The following WWOX variants were observed in gnomAD, a reference collection of about 807,000 sequenced individuals.
WWOX encodes the protein WW domain-containing oxidoreductase.
WWOX carries 69 observed loss-of-function variants against 46.2 expected under a neutral mutation model. The ratio of observed to expected loss-of-function variants is 1.49; its 90% CI spans 1.23 to 1.82. The LOEUF is 1.82. Among genes scored for constraint, WWOX ranks in the 40% most tolerant of loss-of-function variants. WWOX has a pLI of 0.00. For synonymous variants in WWOX, 359 were observed against 202.6 expected, an observed-to-expected ratio of 1.77 and a Z score of -6.56; for missense variants, 919 against 542.6, an observed-to-expected ratio of 1.69 and a Z score of -6.89.
intron 4 of WWOX, among the ~76,000 whole-genome samples, chr16:78,161,637 T>C (rs2034797177): frequency 6.6e-6 from 1 of 152,166 alleles, no homozygotes; most frequent in Non-Finnish European, 1.5e-5. Context: ...TTAATTTTTG[T>C]AGAGACAGAG....
chr16:78,381,495 T>C (rs936950421), intron 5 of WWOX, among the ~76,000 whole-genome samples: 101 of 152,334 alleles, frequency 6.6e-4, no homozygotes, highest in African/African-American at 2.3e-3. Flanking sequence ...CTGAGCTACA[T>C]AGAAGTTGCC....
intron 5 of WWOX, among the ~76,000 whole-genome samples, chr16:78,195,124 A>G (rs2036007261): frequency 6.6e-6 from 1 of 152,120 alleles, no homozygotes; most frequent in South Asian, 2.1e-4. Flanking sequence ...TTCCATCCCC[A>G]GTTCCTTGGT....
intron 8 of WWOX, among the ~76,000 whole-genome samples, chr16:78,842,375 C>T (rs4887989): frequency 0.3 from 45,893 of 150,934 alleles, 7,123 homozygotes; most frequent in African/African-American, 0.34. Context: ...TGGTGGTGCA[C>T]ACCTGTAGGC....
intron 8 of WWOX, among the ~76,000 whole-genome samples, chr16:79,104,058 T>TGGGGGG (rs2049259343): frequency 2.7e-4 from 6 of 22,416 alleles, no homozygotes; most frequent in Non-Finnish European, 5.8e-4. Flanking sequence ...GGGCGGGTGG[T>TGGGGGG]GGGGGTACTT....
intron 8 of WWOX, among the ~76,000 whole-genome samples, chr16:79,185,944 CTGTGTGTGTGTGTGTGTGCATGCG>C (rs1015385716): frequency 2.7e-4 from 40 of 149,130 alleles, no homozygotes; most frequent in Non-Finnish European, 3.9e-4. Context: ...GATGCCATGT[CTGTGTGTGTGTGTGTGTGCATGCG>C]TGTGTGTGTG....
intron 8 of WWOX, among the ~76,000 whole-genome samples, chr16:78,510,682 G>A (rs1272868933): frequency 6.6e-6 from 1 of 152,156 alleles, no homozygotes; most frequent in African/African-American, 2.4e-5. Flanking sequence ...AAAGAATGTT[G>A]TTTATTTTTA....
intron 8 of WWOX, among the ~76,000 whole-genome samples, chr16:78,911,159 G>C (rs1473422283): frequency 6.6e-6 from 1 of 151,916 alleles, no homozygotes; most frequent in African/African-American, 2.4e-5. Context: ...TGTCAGAGTG[G>C]AAGGTGGCCC....
intron 8 of WWOX, among the ~76,000 whole-genome samples, chr16:79,035,727 C>T (rs994573433): frequency 1.3e-5 from 2 of 151,686 alleles, no homozygotes; most frequent in Admixed American, 1.3e-4. Context: ...TTAGTAGGGA[C>T]GGGGTTTCGC....
intron 6 of WWOX, among the ~76,000 whole-genome samples, chr16:78,398,159 G>A (rs532615056): frequency 6.6e-6 from 1 of 152,136 alleles, no homozygotes; most frequent in Non-Finnish European, 1.5e-5. Context: ...TCACTCTCAA[G>A]TGCAAACCCA....
intron 8 of WWOX, among the ~76,000 whole-genome samples, chr16:79,156,522 G>A (rs541538237): frequency 1.1e-4 from 17 of 152,292 alleles, no homozygotes; most frequent in African/African-American, 3.9e-4. Flanking sequence ...GCCACACCAA[G>A]TAGAAGGTGT....
intron 8 of WWOX, among the ~76,000 whole-genome samples, chr16:78,474,449 G>C (rs565960043): frequency 1.3e-5 from 2 of 152,294 alleles, no homozygotes; most frequent in African/African-American, 4.8e-5. Context: ...TGTCAGATTG[G>C]TTTAGGTAGA....
intron 8 of WWOX, among the ~76,000 whole-genome samples, chr16:78,878,337 G>T (rs2044274624): frequency 6.6e-6 from 1 of 152,154 alleles, no homozygotes; most frequent in Middle Eastern, 3.2e-3. Context: ...TTGCAGGCAG[G>T]CCCCTGGGTT....
At chr16:78,887,240 A>G (rs560812947) in intron 8 of WWOX, among the ~76,000 whole-genome samples, 2 of 151,980 alleles carry the variant, frequency 1.3e-5, no homozygotes, top group African/African-American at 4.8e-5. Flanking sequence ...ATCCATTGTC[A>G]TGACTGTAAA....
intron 5 of WWOX, among the ~76,000 whole-genome samples, chr16:78,271,836 T>C (rs1403222881): frequency 6.6e-6 from 1 of 152,162 alleles, no homozygotes; most frequent in Non-Finnish European, 1.5e-5. Context: ...GTAGGACATT[T>C]TGGTAGCAGT....
At chr16:78,557,040 T>C (rs1411093424) in intron 8 of WWOX, among the ~76,000 whole-genome samples, 2 of 151,930 alleles carry the variant, frequency 1.3e-5, no homozygotes, top group African/African-American at 2.4e-5. Flanking sequence ...TTAAAACACA[T>C]TGCAATAAAA....
chr16:79,162,286 G>A (rs761919686), intron 8 of WWOX, among the ~76,000 whole-genome samples: 16 of 152,182 alleles, frequency 1.1e-4, no homozygotes, highest in Admixed American at 8.5e-4. Context: ...AGATTCTGGG[G>A]CTCTAAGGCG....
chr16:78,539,934 A>G (rs76281671), intron 8 of WWOX, among the ~76,000 whole-genome samples: 7,522 of 152,012 alleles, frequency 0.049, 662 homozygotes, highest in African/African-American at 0.17. Flanking sequence ...TTACATTTAA[A>G]TACAGGCCTT....
intron 8 of WWOX, among the ~76,000 whole-genome samples, chr16:78,582,237 G>A (rs568860220): frequency 6.6e-6 from 1 of 152,250 alleles, no homozygotes; most frequent in African/African-American, 2.4e-5. Context: ...AAGTGTGTCA[G>A]GTGAAGGTAA....
chr16:78,803,188 C>G (rs932001242), intron 8 of WWOX, among the ~76,000 whole-genome samples: 1 of 151,442 alleles, frequency 6.6e-6, no homozygotes, highest in Non-Finnish European at 1.5e-5. Flanking sequence ...GTTCTTAACA[C>G]AAACCACATA....
Sources: gnomAD v4.1 joint callset for allele counts (sites outside exome capture counted in the v4.1 genomes callset) on GRCh38, gnomAD v4.1.1 for gene constraint, MANE v1.5 for transcripts, NCBI Gene and HGNC (gene_info 2026-07-23, HGNC 2026-07-21) for gene names.